Variants in ST3GAL3 observed in about 807,000 individuals in gnomAD.
ST3GAL3 encodes CMP-N-acetylneuraminate-beta-1,4-galactoside alpha-2,3-sialyltransferase.
ST3GAL3 carries 21 observed loss-of-function variants against 50.1 expected under a neutral mutation model. The observed-to-expected ratio is 0.42, with a 90% CI of 0.30 to 0.60. The LOEUF is 0.60. Among genes scored for constraint, ST3GAL3 ranks in the 20% least tolerant of loss-of-function variants. ST3GAL3 has a pLI of 0.19. For synonymous variants in ST3GAL3, 183 were observed against 190.0 expected, an observed-to-expected ratio of 0.96 and a Z score of 0.30; for missense variants, 353 against 489.4, an observed-to-expected ratio of 0.72 and a Z score of 2.63.
intron 3 of ST3GAL3, among the ~76,000 whole-genome samples, chr1:43,797,539 A>T (rs1050807788): frequency 6.6e-6 from 1 of 152,202 alleles, no homozygotes; most frequent in Admixed American, 6.5e-5. Context: ...AAAGAAAAAA[A>T]ACTGCATGGT....
intron 4 of ST3GAL3, among the ~76,000 whole-genome samples, chr1:43,817,607 T>C (rs150430901): frequency 0.38 from 41,712 of 108,894 alleles, 9,640 homozygotes; most frequent in East Asian, 0.6. Flanking sequence ...CCCTTCTCCT[T>C]CTCCTCCTTC....
intron 2 of ST3GAL3, among the ~76,000 whole-genome samples, chr1:43,774,635 C>T (rs1406274374): frequency 1.3e-5 from 2 of 152,200 alleles, no homozygotes; most frequent in African/African-American, 4.8e-5. Context: ...TCCTAAAATA[C>T]AGATTTGTAA....
intron 4 of ST3GAL3, among the ~76,000 whole-genome samples, chr1:43,817,597 C>T (rs796910721): frequency 0.012 from 904 of 77,008 alleles, 22 homozygotes; most frequent in African/African-American, 0.015. Flanking sequence ...TTCTCCTCCT[C>T]CCTTCTCCTT....
intron 2 of ST3GAL3, among the ~76,000 whole-genome samples, chr1:43,750,169 T>A (rs1322646481): frequency 6.6e-6 from 1 of 152,210 alleles, no homozygotes; most frequent in Non-Finnish European, 1.5e-5. Context: ...CCCATTAGAA[T>A]TGCTGAAATT....
chr1:43,824,621 C>A (rs958434534), intron 4 of ST3GAL3: 6 of 1,347,776 alleles, frequency 4.5e-6, no homozygotes, highest in Non-Finnish European at 6.4e-6. Flanking sequence ...TGGCTAGGTT[C>A]TTTGCTTCAT....
chr1:43,915,332 C>T (rs947590660), intron 9 of ST3GAL3, among the ~76,000 whole-genome samples: 1 of 152,228 alleles, frequency 6.6e-6, no homozygotes, highest in African/African-American at 2.4e-5. Context: ...ATGTGAGTCC[C>T]TGCCCTATGG....
At chr1:43,886,595 A>G (rs1256230217) in intron 5 of ST3GAL3, among the ~76,000 whole-genome samples, 1 of 152,216 alleles carries the variant, frequency 6.6e-6, no homozygotes, top group Admixed American at 6.5e-5. Context: ...AGAGGTGTAC[A>G]TTTCAGGCAG....
intron 9 of ST3GAL3, chr1:43,919,894 T>A: frequency 4.5e-6 from 1 of 222,828 alleles, no homozygotes; most frequent in Non-Finnish European, 9.0e-6. Context: ...GTTGGTCTGC[T>A]ATACTCTACT....
intron 4 of ST3GAL3, among the ~76,000 whole-genome samples, chr1:43,817,985 T>C (rs1200546683): frequency 6.6e-6 from 1 of 152,018 alleles, no homozygotes; most frequent in Non-Finnish European, 1.5e-5. Flanking sequence ...TCCTCCTGCC[T>C]CAGCCTCCTA....
intron 3 of ST3GAL3, among the ~76,000 whole-genome samples, chr1:43,805,596 A>C (rs770145480): frequency 1.6e-4 from 25 of 152,256 alleles, no homozygotes; most frequent in South Asian, 6.2e-4. Flanking sequence ...GAGGAAAAGA[A>C]GAGTCTTAGT....
intron 11 of ST3GAL3, 26 bp from the exon 12 acceptor site, chr1:43,930,106 A>G (rs764166010): frequency 6.8e-6 from 11 of 1,610,818 alleles, no homozygotes; most frequent in South Asian, 3.3e-5. Flanking sequence ...CAAAGGCCCA[A>G]CTGATCACTT....
At position 43,918,119 on chromosome 1, in the gene ST3GAL3, C is replaced by CTCTTTTTTTTTT. The variant is rs56052310; in HGVS notation, c.745-2284_745-2283insCTTTTTTTTTTT. 1.5e-5 allele frequency among the ~76,000 whole-genome samples: 2 copies of CTCTTTTTTTTTT among 133,904 alleles called. 1 individual carries two copies. The highest frequency in any genetic ancestry group is 3.1e-5 in the Non-Finnish European group (2 of 65,160). The allele number at this position is 133,904 out of a possible 152,430, so 87.8% of individuals were successfully genotyped here. ...TAGACATCTAAATTTTTTTCTTTCT[C>CTCTTTTTTTTTT]TTTTTTTTTTTTTTTAAGAGAGGGT... On this transcript the variant is annotated intron_variant, in intron 9 of 11. Transcript: ENST00000347631.
At chr1:43,922,807 A>AG in intron 11 of ST3GAL3, among the ~76,000 whole-genome samples, 1 of 145,310 alleles carries the variant, frequency 6.9e-6, no homozygotes, top group Non-Finnish European at 1.5e-5. Context: ...CAAAAAAGAA[A>AG]AAAAAAAAAA....
At chr1:43,830,155 C>T (rs752653694) in intron 4 of ST3GAL3, among the ~76,000 whole-genome samples, 4 of 151,686 alleles carry the variant, frequency 2.6e-5, no homozygotes, top group Non-Finnish European at 5.9e-5. Flanking sequence ...ACCTCAGCCT[C>T]CTGAGGAGCT....
At chr1:43,804,748 T>G (rs2059683495) in intron 3 of ST3GAL3, among the ~76,000 whole-genome samples, 1 of 152,052 alleles carries the variant, frequency 6.6e-6, no homozygotes, top group Admixed American at 6.6e-5. Flanking sequence ...AGTGATGTAA[T>G]CAGATAGGCT....
chr1:43,728,341 G>GAAAACAAAAACAAAAACAAAAACA (rs113220015), intron 1 of ST3GAL3, among the ~76,000 whole-genome samples: 3 of 130,404 alleles, frequency 2.3e-5, no homozygotes, highest in African/African-American at 7.5e-5. Flanking sequence ...CTCCTTCTCA[G>GAAAACAAAAACAAAAACAAAAACA]AAAACAAAAA....
intron 9 of ST3GAL3, among the ~76,000 whole-genome samples, chr1:43,900,343 A>T (rs1456203862): frequency 6.6e-6 from 1 of 152,236 alleles, no homozygotes; most frequent in Non-Finnish European, 1.5e-5. Flanking sequence ...ATCATTGGGA[A>T]TGATCAGGTT....
intron 2 of ST3GAL3, chr1:43,772,108 G>A (rs1003616568): frequency 1.5e-5 from 6 of 398,242 alleles, no homozygotes; most frequent in Non-Finnish European, 2.7e-5. Flanking sequence ...GGAGTGTGAT[G>A]GCATAATCTC....
intron 9 of ST3GAL3, among the ~76,000 whole-genome samples, chr1:43,902,522 A>C (rs1332352185): frequency 6.6e-6 from 1 of 152,154 alleles, no homozygotes; most frequent in African/African-American, 2.4e-5. Flanking sequence ...ATTTGTGGCC[A>C]TTTGGGTCCC....
Sources: allele counts gnomAD v4.1 joint callset (sites outside exome capture counted in the v4.1 genomes callset), GRCh38; gene constraint gnomAD v4.1.1; transcripts MANE v1.5; gene names NCBI Gene and HGNC (gene_info 2026-07-23, HGNC 2026-07-21).